Variants in CFAP54 observed in about 807,000 individuals in gnomAD.
CFAP54 encodes the protein cilia and flagella associated protein 54, also known as cilia- and flagella-associated protein 54.
CFAP54 carries 290 observed loss-of-function variants against 370.4 expected under a neutral mutation model. The ratio of observed to expected loss-of-function variants is 0.78; its 90% confidence interval spans 0.71 to 0.86. The LOEUF is 0.86. Ranked by LOEUF, CFAP54 falls within the 40% of genes least tolerant of loss-of-function variation. CFAP54 has a pLI of 0.00. For missense variants in CFAP54, 3,399 were observed against 3,528.7 expected (o/e 0.96, Z 0.93); for synonymous variants, 1,206 against 1,236.5 (o/e 0.98, Z 0.52).
chr12:96,848,382 A>G (rs1030564000), intron 66 of CFAP54, among the ~76,000 whole-genome samples: 1 of 152,124 alleles, frequency 6.6e-6, no homozygotes, highest in African/African-American at 2.4e-5. Context: ...AAATAATGTT[A>G]TTTATTTAAT....
intron 62 of CFAP54, among the ~76,000 whole-genome samples, chr12:96,788,544 A>G (rs143382153): frequency 1.8e-4 from 28 of 152,162 alleles, no homozygotes; most frequent in African/African-American, 4.8e-5. Context: ...ACTGTTGCCA[A>G]CTCTCCCAGA....
intron 60 of CFAP54, among the ~76,000 whole-genome samples, chr12:96,769,942 C>A (rs1329204305): frequency 6.6e-6 from 1 of 152,162 alleles, no homozygotes; most frequent in Non-Finnish European, 1.5e-5. Flanking sequence ...ACCTTCCAGC[C>A]TGAAAAGAAA....
chr12:96,853,749 G>C (rs1014391016), intron 66 of CFAP54, among the ~76,000 whole-genome samples: 1 of 152,094 alleles, frequency 6.6e-6, no homozygotes. Context: ...AGGGTAGTTT[G>C]TGTTCTCCTG....
At chr12:96,550,380 C>T (rs1955681820) in intron 15 of CFAP54, among the ~76,000 whole-genome samples, 1 of 152,138 alleles carries the variant, frequency 6.6e-6, no homozygotes, top group African/African-American at 2.4e-5. Context: ...AGTTTGAGAC[C>T]AGCCTGGCCA....
At chr12:96,582,411 C>T (rs1305781058) in intron 22 of CFAP54, among the ~76,000 whole-genome samples, 2 of 152,022 alleles carry the variant, frequency 1.3e-5, no homozygotes, top group Admixed American at 6.6e-5. Context: ...TATTTCTATT[C>T]TATTTTCTCT....
At chr12:96,617,034 A>G (rs189002326) in intron 26 of CFAP54, among the ~76,000 whole-genome samples, 30 of 152,278 alleles carry the variant, frequency 2.0e-4, no homozygotes, top group Admixed American at 1.9e-3. Flanking sequence ...AGAATTGAGA[A>G]TCTGAAACTC....
At chr12:96,706,030 C>T (rs997650368) in intron 47 of CFAP54, among the ~76,000 whole-genome samples, 2 of 151,252 alleles carry the variant, frequency 1.3e-5, no homozygotes, top group African/African-American at 4.9e-5. Context: ...TGTATTAATT[C>T]AACAACAAAA....
intron 32 of CFAP54, among the ~76,000 whole-genome samples, chr12:96,639,240 A>C (rs947693311): frequency 3.3e-5 from 5 of 152,194 alleles, no homozygotes; most frequent in Admixed American, 3.3e-4. Context: ...AAAATGATAA[A>C]GGGGATATCA....
intron 60 of CFAP54, among the ~76,000 whole-genome samples, chr12:96,783,920 A>G (rs959316110): frequency 6.6e-5 from 10 of 152,292 alleles, no homozygotes; most frequent in Non-Finnish European, 1.5e-4. Context: ...TAAGAGTCAG[A>G]AAATCAAAAG....
chr12:96,512,301 TTATATATATATATATATA>T (rs1165045194), intron 4 of CFAP54, among the ~76,000 whole-genome samples: 75 of 31,128 alleles, frequency 2.4e-3, no homozygotes, highest in East Asian at 0.02. Context: ...GGAACCAATT[TTATATATATATATATATA>T]TATATATATA....
rs541503486 is a variant in CFAP54 at position 96,520,764 on chromosome 12, T to C, written c.943-1093T>C. Among the ~76,000 whole-genome samples, 5 of 152,340 alleles carry C rather than the reference T, an allele frequency of 3.3e-5. No individual in the cohort carries two copies. In the East Asian group the frequency reaches 9.6e-4, roughly 29 times the overall value. ...GGATTTCTGCTCTAGTCAACCTCTT[T>C]GGCTGGAAGTCTTGTGTAGGACTGC... On this transcript the variant is annotated intron_variant, in intron 6 of 67. Coordinates refer to ENST00000524981, the MANE Select transcript of CFAP54 (RefSeq NM_001306084.2).
intron 36 of CFAP54, among the ~76,000 whole-genome samples, chr12:96,655,351 C>T (rs746023196): frequency 6.0e-5 from 9 of 150,184 alleles, no homozygotes; most frequent in Admixed American, 1.3e-4. Flanking sequence ...CCTATGTGAA[C>T]TATATTTGAG....
At chr12:96,650,845 C>T (rs1956850621) in intron 35 of CFAP54, among the ~76,000 whole-genome samples, 1 of 152,208 alleles carries the variant, frequency 6.6e-6, no homozygotes, top group African/African-American at 2.4e-5. Flanking sequence ...TGGCCTCCAG[C>T]TTCAGGGCCC....
intron 36 of CFAP54, among the ~76,000 whole-genome samples, chr12:96,656,537 A>C (rs1420202803): frequency 6.6e-6 from 1 of 152,144 alleles, no homozygotes; most frequent in East Asian, 1.9e-4. Context: ...ATGCGCCACC[A>C]CACCCAGCTA....
chr12:96,751,676 T>C (rs1958184129), intron 55 of CFAP54, among the ~76,000 whole-genome samples: 1 of 152,182 alleles, frequency 6.6e-6, no homozygotes, highest in Admixed American at 6.5e-5. Context: ...CCTTCTAGCC[T>C]GGGATCTAAT....
intron 39 of CFAP54, among the ~76,000 whole-genome samples, chr12:96,665,410 A>G (rs746327381): frequency 2.6e-5 from 4 of 152,090 alleles, no homozygotes; most frequent in Admixed American, 1.3e-4. Flanking sequence ...TATGTCCTGA[A>G]TGGTATTGCC....
At chr12:96,623,995 A>T in intron 28 of CFAP54, 114 bp downstream of exon 28, 1 of 672,876 alleles carries the variant, frequency 1.5e-6, no homozygotes, top group South Asian at 2.0e-5. Flanking sequence ...TTTAAGGTTT[A>T]CACAGTGCTT....
At chr12:96,746,540 G>A (rs910238454) in intron 55 of CFAP54, among the ~76,000 whole-genome samples, 1 of 152,136 alleles carries the variant, frequency 6.6e-6, no homozygotes, top group Non-Finnish European at 1.5e-5. Context: ...GGATTCTCAG[G>A]TGCTGCATTC....
chr12:96,833,585 G>A (rs2136764228), intron 66 of CFAP54, among the ~76,000 whole-genome samples: 1 of 151,802 alleles, frequency 6.6e-6, no homozygotes, highest in South Asian at 2.1e-4. Context: ...GTATGGAGAG[G>A]AGGTTCCTAG....
Sources: gnomAD v4.1 joint callset for allele counts (sites outside exome capture counted in the v4.1 genomes callset) on GRCh38, gnomAD v4.1.1 for gene constraint, MANE v1.5 for transcripts, NCBI Gene and HGNC (gene_info 2026-07-23, HGNC 2026-07-21) for gene names.